CEMIP2: variants seen among roughly 807,000 people sequenced by gnomAD.
The protein encoded by CEMIP2 is cell migration inducing hyaluronidase 2.
A neutral mutation model predicts 146.9 loss-of-function variants in CEMIP2; 79 were observed. That is an observed-to-expected ratio of 0.54 (90% CI 0.45 to 0.65). CEMIP2 has a LOEUF of 0.65. CEMIP2 is among the 30% of genes least tolerant of loss of function. CEMIP2 has a pLI of 0.00. For synonymous variants in CEMIP2, 601 were observed against 606.3 expected (o/e 0.99, Z 0.13); for missense variants, 1,596 against 1,696.2 (o/e 0.94, Z 1.04).
intron 1 of CEMIP2, among the ~76,000 whole-genome samples, chr9:71,766,275 G>A (rs1030140025): frequency 1.3e-5 from 2 of 151,734 alleles, no homozygotes; most frequent in African/African-American, 2.4e-5. Context: ...GTTTTACCAT[G>A]TTGGCCAGGC....
chr9:71,732,686 A>ATTTTTTTTTTTTTTTT (rs59985618), intron 6 of CEMIP2, among the ~76,000 whole-genome samples, 166 bp from the exon 7 acceptor site: 12 of 75,880 alleles, frequency 1.6e-4, no homozygotes, highest in African/African-American at 5.6e-4. Context: ...GACACGGGGA[A>ATTTTTTTTTTTTTTTT]TTTTTTTTTT....
rs142219989 is a variant in CEMIP2 at position 71,693,708 on chromosome 9, A to G, written c.3696+801T>C. Among the ~76,000 whole-genome samples the G allele has an allele frequency of 1.2e-3, 180 of 152,382 alleles. 2 individuals carry two copies. The East Asian group carries it at 0.03, about 25-fold the overall frequency. On this transcript the variant is annotated intron_variant, in intron 21 of 23. Coordinates refer to ENST00000377044, the MANE Select transcript of CEMIP2 (RefSeq NM_013390.3). ...CTTGCTACCAACAATAGAAAATGTGATGACAAACCAGTGACTATAGCCAGA... is the reference window on the plus strand; with the variant it reads ...CTTGCTACCAACAATAGAAAATGTGGTGACAAACCAGTGACTATAGCCAGA...
chr9:71,746,350 A>C lies in CEMIP2; in HGVS notation c.332-9T>G, dbSNP rs1824088946. 1 of 1,613,540 alleles carries C rather than the reference A, an allele frequency of 6.2e-7. No homozygotes were observed. Among genetic ancestry groups the C allele is most frequent in the African/African-American group, 1.3e-5 (1 of 74,902 alleles). ...TTGATCTGGGCAATTTTCTATAAAC[A>C]CATTGATATTCCATCCAACCCATTA... On this transcript the variant is annotated splice_polypyrimidine_tract_variant and intron_variant, in intron 2 of 23. Transcript: ENST00000377044.
At chr9:71,742,905 G>A (rs188316620) in intron 4 of CEMIP2, among the ~76,000 whole-genome samples, 3 of 152,224 alleles carry the variant, frequency 2.0e-5, no homozygotes, top group Admixed American at 6.5e-5. Context: ...ATATTCATAC[G>A]ACAGAAAATA....
chr9:71,725,469 T>C, intron 11 of CEMIP2, 112 bp downstream of exon 11: 1 of 1,155,766 alleles, frequency 8.7e-7, no homozygotes, highest in Non-Finnish European at 1.2e-6. Flanking sequence ...ATAAGTTAAC[T>C]AGTCTGTGAT....
At chr9:71,743,280 G>C (rs1823976728) in intron 4 of CEMIP2, among the ~76,000 whole-genome samples, 1 of 152,206 alleles carries the variant, frequency 6.6e-6, no homozygotes, top group Admixed American at 6.5e-5. Context: ...TTAATGCATA[G>C]CAGAGGGGAG....
intron 1 of CEMIP2, among the ~76,000 whole-genome samples, chr9:71,766,353 G>A (rs777397471): frequency 7.2e-5 from 11 of 152,268 alleles, no homozygotes; most frequent in Non-Finnish European, 1.3e-4. Flanking sequence ...GATTACAGGC[G>A]TGAGCCAATT....
chr9:71,745,640 T>C, intron 3 of CEMIP2, 61 bp from the exon 4 acceptor site: 1 of 1,466,894 alleles, frequency 6.8e-7, no homozygotes, highest in Non-Finnish European at 9.1e-7. Flanking sequence ...TACAAGGAAA[T>C]AGATTTCACC....
chr9:71,699,886 G>A (rs1303183630), intron 19 of CEMIP2, among the ~76,000 whole-genome samples: 2 of 152,200 alleles, frequency 1.3e-5, no homozygotes, highest in Non-Finnish European at 2.9e-5. Flanking sequence ...ATATAGAACC[G>A]AGAGCATTCA....
At position 71,722,421 on chromosome 9, in the gene CEMIP2, C is replaced by G. The variant is rs968040943; in HGVS notation, c.2267+6G>C. 3 of 1,607,652 alleles carry G rather than the reference C, an allele frequency of 1.9e-6. No homozygotes were observed. Among genetic ancestry groups the G allele is most frequent in the Non-Finnish European group, 1.7e-6 (2 of 1,177,978 alleles). On this transcript the variant is annotated splice_donor_region_variant and intron_variant, in intron 12 of 23. Transcript: ENST00000377044. ...CTTGAGTGTGACTTAAAAGAGCCAG[C>G]TTTACCTTGCACTATTGTCCAAACA...
intron 3 of CEMIP2, 106 bp downstream of exon 3, chr9:71,746,094 AC>A (rs1824078177): frequency 1.6e-6 from 2 of 1,283,098 alleles, no homozygotes; most frequent in African/African-American, 3.0e-5. Context: ...GACACCACAA[AC>A]TAAAGCCTAT....
chr9:71,712,864 A>G (rs1282434361), intron 15 of CEMIP2, among the ~76,000 whole-genome samples: 3 of 152,202 alleles, frequency 2.0e-5, no homozygotes, highest in African/African-American at 7.2e-5. Flanking sequence ...TCATAAATCA[A>G]TAACTGTAAT....
At chr9:71,704,126 A>G (rs1455557837) in intron 18 of CEMIP2, among the ~76,000 whole-genome samples, 1 of 152,202 alleles carries the variant, frequency 6.6e-6, no homozygotes, top group Non-Finnish European at 1.5e-5. Flanking sequence ...TAGTGCTTTC[A>G]GGCAGGGCTA....
intron 10 of CEMIP2, among the ~76,000 whole-genome samples, chr9:71,729,545 G>A (rs1330942390): frequency 1.3e-5 from 2 of 149,596 alleles, no homozygotes; most frequent in Non-Finnish European, 3.0e-5. Context: ...CGTGAACCCG[G>A]GGGGTGGAGC....
intron 1 of CEMIP2, among the ~76,000 whole-genome samples, chr9:71,761,013 T>C (rs757652641): frequency 6.6e-6 from 1 of 152,238 alleles, no homozygotes; most frequent in Non-Finnish European, 1.5e-5. Context: ...TTCGCCCTTG[T>C]TCTCAACTGG....
chr9:71,694,553 G>A lies in CEMIP2; in HGVS notation c.3652C>T (p.Pro1218Ser). 6.2e-7 allele frequency: 1 copy of A among 1,613,986 alleles called. No individual in the cohort carries two copies. The highest frequency in any genetic ancestry group is 8.5e-7 in the Non-Finnish European group (1 of 1,179,954). The change falls in exon 21 of 24, where the codon CCT becomes TCT. Residue 1218 changes from proline to serine, a missense_variant. By Grantham distance (74) the Pro-to-Ser change is moderately conservative. Coordinates refer to ENST00000377044, the MANE Select transcript of CEMIP2 (RefSeq NM_013390.3). ...KSYLPVQFQS[P>S]DKAETQRGDP... ...CCACGCTGGGTTTCTGCTTTATCAG[G>A]TGACTGGAATTGCACAGGGAGGTAA... is the stretch of plus-strand genomic sequence containing the variant.
chr9:71,757,160 C>T (rs556087922), intron 1 of CEMIP2, among the ~76,000 whole-genome samples: 1 of 152,340 alleles, frequency 6.6e-6, no homozygotes, highest in South Asian at 2.1e-4. Context: ...GAAGGTGCCA[C>T]AGCCACACAG....
chr9:71,689,328 T>G (rs1337220496), intron 22 of CEMIP2, among the ~76,000 whole-genome samples: 1 of 152,220 alleles, frequency 6.6e-6, no homozygotes, highest in African/African-American at 2.4e-5. Context: ...GGGGAAAGCT[T>G]AAGTTCCTTC....
chr9:71,749,537 C>T (rs980230781), intron 2 of CEMIP2, among the ~76,000 whole-genome samples: 1 of 151,904 alleles, frequency 6.6e-6, no homozygotes, highest in African/African-American at 2.4e-5. Context: ...GAAACCCTGT[C>T]TCTACTAAAA....
Sources: gnomAD v4.1 joint callset for allele counts (sites outside exome capture counted in the v4.1 genomes callset) on GRCh38, gnomAD v4.1.1 for gene constraint, MANE v1.5 for transcripts, NCBI Gene and HGNC (gene_info 2026-07-23, HGNC 2026-07-21) for gene names.